Variants in TXNL4A observed in about 807,000 individuals in gnomAD.
TXNL4A encodes thioredoxin-like protein 4A.
A neutral mutation model predicts 14.6 loss-of-function variants in TXNL4A; 17 were observed. The ratio of observed to expected loss-of-function variants is 1.16; its 90% CI spans 0.80 to 1.74. TXNL4A has a LOEUF of 1.74. TXNL4A is among the 40% of genes most tolerant of loss of function. The probability of loss-of-function intolerance (pLI) is 0.00; values close to 1 mark genes in which losing one functional copy is unlikely to be tolerated. For synonymous variants in TXNL4A, 83 were observed against 70.6 expected (o/e 1.18, Z -0.88); for missense variants, 74 against 195.2 (o/e 0.38, Z 3.70).
chr18:80,024,508 T>A (rs2145128118), intron 1 of TXNL4A, among the ~76,000 whole-genome samples: 2 of 152,262 alleles, frequency 1.3e-5, no homozygotes, highest in South Asian at 4.1e-4. Flanking sequence ...GTTTCAGTCC[T>A]TTCCCCAATC....
chr18:80,030,892 G>A (rs749398567), intron 1 of TXNL4A, among the ~76,000 whole-genome samples: 2 of 152,144 alleles, frequency 1.3e-5, no homozygotes, highest in Non-Finnish European at 2.9e-5. Flanking sequence ...GCTTGAACCC[G>A]GGAGTTGGAG....
At chr18:80,009,985 C>T (rs1252847308) in intron 1 of TXNL4A, among the ~76,000 whole-genome samples, 1 of 152,176 alleles carries the variant, frequency 6.6e-6, no homozygotes, top group Non-Finnish European at 1.5e-5. Flanking sequence ...CTCCTGAGGT[C>T]TTATCAGCAA....
intron 1 of TXNL4A, among the ~76,000 whole-genome samples, chr18:80,022,284 G>GT (rs1481772627): frequency 6.6e-6 from 1 of 152,076 alleles, no homozygotes; most frequent in Non-Finnish European, 1.5e-5. Flanking sequence ...ACACCCGGAA[G>GT]TTTTTTTCGA....
chr18:79,997,243 C>A lies in TXNL4A; in HGVS notation c.-60-19542G>T, dbSNP rs557572455. ...TAAAGGTAGAGATAAACCTGAAGAA[C>A]CCCCTACCCAACCTCAAACAGTATC... On this transcript the variant is annotated intron_variant, in intron 1 of 2. Transcript: ENST00000585474. 3.3e-5 allele frequency among the ~76,000 whole-genome samples: 5 copies of A among 152,022 alleles called. No homozygotes were observed. The South Asian group carries it at 6.2e-4, about 19-fold the overall frequency.
intron 1 of TXNL4A, among the ~76,000 whole-genome samples, chr18:79,983,789 T>G (rs1456266570): frequency 6.6e-6 from 1 of 152,110 alleles, no homozygotes; most frequent in Non-Finnish European, 1.5e-5. Flanking sequence ...GTGACAGGAG[T>G]GCTCTAGAAA....
intron 1 of TXNL4A, among the ~76,000 whole-genome samples, chr18:80,004,160 A>C (rs1378366591): frequency 6.7e-6 from 1 of 148,478 alleles, no homozygotes; most frequent in Non-Finnish European, 1.5e-5. Flanking sequence ...CAGTGTAGGC[A>C]GGAAAGTTAA....
intron 1 of TXNL4A, among the ~76,000 whole-genome samples, chr18:80,003,775 G>C (rs973601430): frequency 1.3e-5 from 2 of 152,148 alleles, no homozygotes; most frequent in Non-Finnish European, 2.9e-5. Flanking sequence ...ACATTGCTGG[G>C]GAGGCCTCAG....
intron 1 of TXNL4A, among the ~76,000 whole-genome samples, chr18:80,020,761 C>T (rs1027363163): frequency 6.6e-6 from 1 of 152,206 alleles, no homozygotes; most frequent in Admixed American, 6.5e-5. Context: ...AGCCATTTTA[C>T]TGTACCCAGG....
upstream of TXNL4A, among the ~76,000 whole-genome samples, chr18:79,992,354 CT>C (rs1568371775): frequency 6.6e-6 from 1 of 152,208 alleles, no homozygotes; most frequent in Non-Finnish European, 1.5e-5. Flanking sequence ...ACTGGCAAAT[CT>C]AGTTCTTTAG....
At chr18:80,032,361 A>C (rs189229927) in intron 1 of TXNL4A, among the ~76,000 whole-genome samples, 1 of 152,336 alleles carries the variant, frequency 6.6e-6, no homozygotes, top group South Asian at 2.1e-4. Flanking sequence ...AAGGGGGGAA[A>C]TGTGAAAGGA....
At chr18:80,021,993 CT>C (rs57141907) in intron 1 of TXNL4A, among the ~76,000 whole-genome samples, 11 of 150,284 alleles carry the variant, frequency 7.3e-5, no homozygotes, top group Admixed American at 1.3e-4. Context: ...GCTAGAATAC[CT>C]TTTTTTTTTG....
intron 1 of TXNL4A, among the ~76,000 whole-genome samples, chr18:80,028,013 A>T (rs2051896410): frequency 1.3e-5 from 2 of 152,152 alleles, no homozygotes; most frequent in Admixed American, 6.5e-5. Context: ...CATCTTGTGG[A>T]CTCTTGAGGG....
chr18:79,993,716 A>C lies in TXNL4A; in HGVS notation c.-60-16015T>G, dbSNP rs527421802. Among the ~76,000 whole-genome samples the C allele has an allele frequency of 1.3e-5, 2 of 152,238 alleles. No homozygotes were observed. Among genetic ancestry groups the C allele is most frequent in the East Asian group, 3.9e-4 (2 of 5,180 alleles). On this transcript the variant is annotated intron_variant, in intron 1 of 2. Transcript: ENST00000585474. The surrounding 1 kb of genome is among the most constrained non-coding windows in gnomAD (Gnocchi z 4.4). ...TGGAATTTTCTAAAGAAATAAGAGC[A>C]CTTTACTCCCCTCAGCCTTTCGGGG...
At chr18:80,013,983 G>T (rs2051789809) in intron 1 of TXNL4A, among the ~76,000 whole-genome samples, 1 of 152,172 alleles carries the variant, frequency 6.6e-6, no homozygotes, top group Admixed American at 6.5e-5. Context: ...AGAAACAAAA[G>T]CAGAAGGCCC....
At chr18:80,006,839 A>T (rs964293210) in intron 1 of TXNL4A, among the ~76,000 whole-genome samples, 6 of 152,194 alleles carry the variant, frequency 3.9e-5, no homozygotes, top group African/African-American at 1.4e-4. Context: ...GATTGGTTGG[A>T]CCAGGTGTGC....
Position 80,011,487 on chromosome 18 carries a change from A to G in TXNL4A, c.-61+22364T>C, listed in dbSNP as rs2051769256. On this transcript the variant is annotated intron_variant, in intron 1 of 2. Coordinates refer to the TXNL4A transcript ENST00000585474. The surrounding 1 kb of genome is among the most constrained non-coding windows in gnomAD (Gnocchi z 4.1). ...GGATTGTTGTGCCTTTATGGCTGCT[A>G]CAGTTGCCTTCCACCCTTGCTGCAA... Among the ~76,000 whole-genome samples the G allele has an allele frequency of 6.6e-6, 1 of 151,874 alleles. No homozygotes were observed. Among genetic ancestry groups the G allele is most frequent in the Non-Finnish European group, 1.5e-5 (1 of 68,012 alleles).
At chr18:80,003,925 G>GA (rs1221175156) in intron 1 of TXNL4A, among the ~76,000 whole-genome samples, 1 of 152,058 alleles carries the variant, frequency 6.6e-6, no homozygotes, top group Non-Finnish European at 1.5e-5. Flanking sequence ...ACAGCACGGG[G>GA]AAAACCACCC....
At chr18:79,984,027 G>C (rs2051505444) in intron 1 of TXNL4A, among the ~76,000 whole-genome samples, 1 of 152,120 alleles carries the variant, frequency 6.6e-6, no homozygotes, top group Non-Finnish European at 1.5e-5. Context: ...CTTGTGGCTA[G>C]AGTCTGCACC....
chr18:80,002,106 G>C (rs529204862), intron 1 of TXNL4A, among the ~76,000 whole-genome samples: 1 of 152,296 alleles, frequency 6.6e-6, no homozygotes, highest in Admixed American at 6.5e-5. Context: ...TCTCCTGGTA[G>C]TGAACAAATC....
Sources: gnomAD v4.1 joint callset for allele counts (sites outside exome capture counted in the v4.1 genomes callset) on GRCh38, gnomAD v4.1.1 for gene constraint, Gnocchi (gnomAD v3.1) non-coding constraint, MANE v1.5 for transcripts, NCBI Gene and HGNC (gene_info 2026-07-23, HGNC 2026-07-21) for gene names.